Variants in ATP8A2 observed in about 807,000 individuals in gnomAD.
The protein encoded by ATP8A2 is phospholipid-transporting ATPase IB.
ATP8A2 carries 100 observed loss-of-function variants against 165.6 expected under a neutral mutation model. That is an observed-to-expected ratio of 0.60 (90% CI 0.51 to 0.71). The LOEUF (loss-of-function observed/expected upper bound fraction) is 0.71. Among genes scored for constraint, ATP8A2 ranks in the 30% least tolerant of loss-of-function variants. The probability of loss-of-function intolerance (pLI) is 0.00; values close to 1 mark genes in which losing one functional copy is unlikely to be tolerated. For synonymous variants in ATP8A2, 543 were observed against 548.8 expected (o/e 0.99, Z 0.15); for missense variants, 1,227 against 1,479.5 (o/e 0.83, Z 2.80).
At chr13:25,530,440 T>C in intron 3 of ATP8A2, 122 bp from the exon 4 acceptor site, 1 of 668,744 alleles carries the variant, frequency 1.5e-6, no homozygotes, top group Non-Finnish European at 2.6e-6. Context: ...GTAATTATTT[T>C]TGAGTAACAG....
intron 33 of ATP8A2, among the ~76,000 whole-genome samples, chr13:25,952,973 A>G (rs1305505616): frequency 3.3e-5 from 5 of 152,170 alleles, no homozygotes; most frequent in African/African-American, 1.2e-4. Flanking sequence ...AAACAATACA[A>G]AGAAGCTCCC....
intron 23 of ATP8A2, among the ~76,000 whole-genome samples, chr13:25,586,839 C>G (rs1338798354): frequency 6.6e-6 from 1 of 152,138 alleles, no homozygotes; most frequent in East Asian, 1.9e-4. Context: ...GTTGAGAGAG[C>G]TGACAGATTT....
intron 27 of ATP8A2, among the ~76,000 whole-genome samples, chr13:25,802,828 T>C (rs986319524): frequency 5.9e-5 from 9 of 152,172 alleles, no homozygotes; most frequent in Non-Finnish European, 7.3e-5. Context: ...ACTGCCTCAC[T>C]AGAGGTGCAA....
intron 27 of ATP8A2, among the ~76,000 whole-genome samples, chr13:25,775,667 TG>T (rs1431357608): frequency 6.6e-6 from 1 of 152,192 alleles, no homozygotes; most frequent in Non-Finnish European, 1.5e-5. Flanking sequence ...ATTACAGCCC[TG>T]CTATAAAGGG....
rs1230874420 is a variant in ATP8A2, at chr13:25,860,802, A to T, written c.3019-2A>T. ...TTTCCAAACTGTCTTTTATTTTCAC[A>T]GTATGTTGTTGTTACTGTTTGTCTG... On this transcript the variant is annotated splice_acceptor_variant, in intron 31 of 36. Transcript: ENST00000381655. LOFTEE classifies it high-confidence loss of function. 6.3e-7 allele frequency: 1 copy of T among 1,591,940 alleles called. No homozygotes were observed. The highest frequency in any genetic ancestry group is 8.6e-7 in the Non-Finnish European group (1 of 1,166,198).
In ATP8A2 at chr13:25,720,167, C is replaced by CTTT. The variant is rs1007404557; in HGVS notation, c.2384+20838_2384+20840dup. On this transcript the variant is annotated intron_variant, in intron 25 of 36. Coordinates refer to ENST00000381655, the MANE Select transcript of ATP8A2 (RefSeq NM_016529.6). ...GACCTCCGATAAATGTATACTTTTT[C>CTTT]TTTTTTTTTTTTTTTTTTGAGAAGG... is the stretch of plus-strand genomic sequence containing the variant. Among the ~76,000 whole-genome samples, 43 of 117,252 alleles carry CTTT rather than the reference C, an allele frequency of 3.7e-4. 1 individual carries two copies. Among genetic ancestry groups the CTTT allele is most frequent in the African/African-American group, 7.6e-4 (20 of 26,350 alleles). 76.9% of individuals were successfully genotyped at this position (117,252 alleles called of 152,430 possible). A position where few individuals can be genotyped will look rare whatever the true frequency, so the allele number is the denominator to read the frequency against.
chr13:25,687,463 A>G (rs1468524949), intron 24 of ATP8A2, among the ~76,000 whole-genome samples: 1 of 147,858 alleles, frequency 6.8e-6, no homozygotes, highest in Non-Finnish European at 1.5e-5. Flanking sequence ...AGCAGCTCTC[A>G]GTGTTCCAGG....
At chr13:25,961,517 G>A in intron 33 of ATP8A2, 58 bp from the exon 34 acceptor site, 1 of 1,313,180 alleles carries the variant, frequency 7.6e-7, no homozygotes, top group Admixed American at 1.7e-5. Context: ...ATTACATTAT[G>A]TTGCTCTGTT....
At chr13:25,934,136 T>A (rs1954829161) in intron 33 of ATP8A2, among the ~76,000 whole-genome samples, 1 of 152,166 alleles carries the variant, frequency 6.6e-6, no homozygotes, top group African/African-American at 2.4e-5. Flanking sequence ...TTGCTAACAG[T>A]TTATGAAGTG....
chr13:25,700,438 A>C (rs1297497862), intron 25 of ATP8A2, among the ~76,000 whole-genome samples: 1 of 151,874 alleles, frequency 6.6e-6, no homozygotes, highest in African/African-American at 2.4e-5. Context: ...GCACGCCTTC[A>C]CCCCCATCCC....
chr13:25,725,423 C>T (rs1593253148), intron 25 of ATP8A2, among the ~76,000 whole-genome samples: 1 of 152,206 alleles, frequency 6.6e-6, no homozygotes, highest in Non-Finnish European at 1.5e-5. Context: ...CCTTTTCAGG[C>T]CCTAGGTTCA....
At chr13:25,889,785 A>T (rs1342697989) in intron 33 of ATP8A2, among the ~76,000 whole-genome samples, 1 of 150,166 alleles carries the variant, frequency 6.7e-6, no homozygotes, top group African/African-American at 2.5e-5. Flanking sequence ...ATTCTCCTCC[A>T]TGGCCCATTC....
At chr13:25,714,356 T>C (rs2043212671) in intron 25 of ATP8A2, among the ~76,000 whole-genome samples, 1 of 152,116 alleles carries the variant, frequency 6.6e-6, no homozygotes, top group Non-Finnish European at 1.5e-5. Context: ...CTGATTCAGG[T>C]CTTTGCTCAA....
At chr13:26,010,976 C>T (rs1392228542) in intron 35 of ATP8A2, among the ~76,000 whole-genome samples, 1 of 152,136 alleles carries the variant, frequency 6.6e-6, no homozygotes, top group African/African-American at 2.4e-5. Context: ...GGGCCCCACT[C>T]CTCTTTCGAT....
At chr13:25,713,191 G>T (rs2043188467) in intron 25 of ATP8A2, among the ~76,000 whole-genome samples, 1 of 152,112 alleles carries the variant, frequency 6.6e-6, no homozygotes, top group South Asian at 2.1e-4. Context: ...CAGTCTTGCT[G>T]TAAGTTTTAG....
intron 15 of ATP8A2, among the ~76,000 whole-genome samples, chr13:25,561,499 C>G (rs897667295): frequency 6.6e-6 from 1 of 151,994 alleles, no homozygotes; most frequent in Non-Finnish European, 1.5e-5. Context: ...TCCGTGTTTT[C>G]TCTGCCCTCC....
At chr13:25,530,310 A>G (rs1432795143) in intron 3 of ATP8A2, among the ~76,000 whole-genome samples, 1 of 152,234 alleles carries the variant, frequency 6.6e-6, no homozygotes, top group Non-Finnish European at 1.5e-5. Flanking sequence ...TGACTGAAAG[A>G]GGCATTGAAA....
At chr13:25,547,659 C>G (rs1459874239) in intron 10 of ATP8A2, among the ~76,000 whole-genome samples, 1 of 152,128 alleles carries the variant, frequency 6.6e-6, no homozygotes, top group Non-Finnish European at 1.5e-5. Context: ...TGAGTCACCC[C>G]AAAACCATCC....
At chr13:25,573,930 ATT>A (rs2039542158) in intron 18 of ATP8A2, among the ~76,000 whole-genome samples, 1 of 152,154 alleles carries the variant, frequency 6.6e-6, no homozygotes, top group Non-Finnish European at 1.5e-5. Flanking sequence ...ATACTTGGTA[ATT>A]TGAATGTGTT....
Sources: gnomAD v4.1 joint callset for allele counts (sites outside exome capture counted in the v4.1 genomes callset) on GRCh38, gnomAD v4.1.1 for gene constraint, MANE v1.5 for transcripts, NCBI Gene and HGNC (gene_info 2026-07-23, HGNC 2026-07-21) for gene names.